ALCAM: variants seen among roughly 807,000 people sequenced by gnomAD.
The protein encoded by ALCAM is activated leukocyte cell adhesion molecule.
A neutral mutation model predicts 70.9 loss-of-function variants in ALCAM; 30 were observed. The ratio of observed to expected loss-of-function variants is 0.42; its 90% CI spans 0.32 to 0.57. ALCAM has a LOEUF of 0.57. ALCAM is among the 20% of genes least tolerant of loss of function. ALCAM has a pLI of 0.11. For synonymous variants in ALCAM, 249 were observed against 242.5 expected, an observed-to-expected ratio of 1.03 and a Z score of -0.25; for missense variants, 591 against 695.1, an observed-to-expected ratio of 0.85 and a Z score of 1.68.
At chr3:105,501,761 G>C (rs1205200639) in intron 1 of ALCAM, among the ~76,000 whole-genome samples, 1 of 152,148 alleles carries the variant, frequency 6.6e-6, no homozygotes, top group Non-Finnish European at 1.5e-5. Flanking sequence ...CCTGCATGCA[G>C]CATGGCTTCT....
rs1940653234 is a variant in ALCAM at position 105,562,794 on chromosome 3, A to T, written c.1665-9058A>T. ...GCTTCAAAACAAAATGTAAATTTTT[A>T]AATTAATTAATTCATTTTTTTTCTG... On this transcript the variant is annotated intron_variant, in intron 14 of 15. Coordinates refer to ENST00000306107, the MANE Select transcript of ALCAM (RefSeq NM_001627.4). Among the ~76,000 whole-genome samples the T allele has an allele frequency of 2.6e-5, 4 of 152,242 alleles. No individual in the cohort carries two copies. In the South Asian group the frequency reaches 8.3e-4, roughly 32 times the overall value.
chr3:105,422,149 A>G (rs1322209491), intron 1 of ALCAM, among the ~76,000 whole-genome samples: 1 of 151,300 alleles, frequency 6.6e-6, no homozygotes, highest in East Asian at 1.9e-4. Context: ...GCTTCTTCCA[A>G]GTTGCTAGTA....
chr3:105,434,674 C>T (rs1159872268), intron 1 of ALCAM, among the ~76,000 whole-genome samples: 6 of 151,998 alleles, frequency 3.9e-5, no homozygotes, highest in Non-Finnish European at 7.4e-5. Flanking sequence ...ACTAAAGTAA[C>T]ATTAGATAAA....
chr3:105,441,094 T>C (rs1328409912), intron 1 of ALCAM, among the ~76,000 whole-genome samples: 2 of 152,198 alleles, frequency 1.3e-5, no homozygotes, highest in Non-Finnish European at 2.9e-5. Flanking sequence ...GTCTTGGTTC[T>C]ACCCATCAAT....
At chr3:105,392,339 A>T (rs1935843945) in intron 1 of ALCAM, among the ~76,000 whole-genome samples, 1 of 150,426 alleles carries the variant, frequency 6.6e-6, no homozygotes, top group South Asian at 2.1e-4. Context: ...TTTCTTCTAG[A>T]TTTTCTAGTT....
chr3:105,520,530 G>A (rs927592498), intron 2 of ALCAM, among the ~76,000 whole-genome samples: 6 of 152,152 alleles, frequency 3.9e-5, no homozygotes, highest in African/African-American at 1.2e-4. Flanking sequence ...ACTTGATGTG[G>A]TTATTGCAAA....
At chr3:105,394,696 A>G (rs1288202585) in intron 1 of ALCAM, among the ~76,000 whole-genome samples, 1 of 151,712 alleles carries the variant, frequency 6.6e-6, no homozygotes, top group Non-Finnish European at 1.5e-5. Flanking sequence ...GTACTACACA[A>G]CTCCAATTTT....
intron 1 of ALCAM, among the ~76,000 whole-genome samples, chr3:105,378,305 G>A (rs2107328546): frequency 6.6e-6 from 1 of 152,066 alleles, no homozygotes; most frequent in African/African-American, 2.4e-5. Context: ...TGGAGGTAAT[G>A]TTTGTATGCA....
At chr3:105,426,940 G>A (rs1936804608) in intron 1 of ALCAM, among the ~76,000 whole-genome samples, 1 of 151,750 alleles carries the variant, frequency 6.6e-6, no homozygotes. Context: ...AGGCAGTCTT[G>A]TACTTTATAT....
intron 1 of ALCAM, among the ~76,000 whole-genome samples, chr3:105,368,968 A>G (rs1040085988): frequency 2.6e-5 from 4 of 151,974 alleles, no homozygotes; most frequent in African/African-American, 9.7e-5. Flanking sequence ...AACGCTGGGG[A>G]GGTAGGTGGA....
At chr3:105,423,506 A>AG (rs1936719375) in intron 1 of ALCAM, among the ~76,000 whole-genome samples, 1 of 150,782 alleles carries the variant, frequency 6.6e-6, no homozygotes, top group South Asian at 2.1e-4. Context: ...GGGAAAAAAA[A>AG]AAAAAAGAAA....
At chr3:105,484,266 G>C (rs1938358963) in intron 1 of ALCAM, among the ~76,000 whole-genome samples, 1 of 149,940 alleles carries the variant, frequency 6.7e-6, no homozygotes, top group Non-Finnish European at 1.5e-5. Flanking sequence ...AATTACTTTT[G>C]TTACATATAC....
At chr3:105,439,515 G>A (rs1245053878) in intron 1 of ALCAM, 2 of 152,088 alleles carry the variant, frequency 1.3e-5, no homozygotes, top group African/African-American at 4.8e-5. Flanking sequence ...CAGTTACTAG[G>A]CTACAGATAA....
Position 105,504,578 on chromosome 3 carries a change from C to CT in ALCAM, c.74-15488dup, listed in dbSNP as rs1184863243. ...GCGTCTGTTTCTGCAAGCCCACGGCCTGCCGGCCTGCTGGTGCCTGTCAAT... is the reference window on the plus strand; with the variant it reads ...GCGTCTGTTTCTGCAAGCCCACGGCCTTGCCGGCCTGCTGGTGCCTGTCAAT... On this transcript the variant is annotated intron_variant, in intron 1 of 15. Transcript: ENST00000306107. Among the ~76,000 whole-genome samples, 47 of 152,296 alleles carry CT rather than the reference C, an allele frequency of 3.1e-4. No homozygotes were observed. In the South Asian group the frequency reaches 9.7e-3, roughly 32 times the overall value.
intron 1 of ALCAM, among the ~76,000 whole-genome samples, chr3:105,396,743 G>C (rs1935960981): frequency 6.6e-6 from 1 of 151,996 alleles, no homozygotes; most frequent in Non-Finnish European, 1.5e-5. Flanking sequence ...TCTGCAAGTA[G>C]TATTTAGGAA....
intron 1 of ALCAM, among the ~76,000 whole-genome samples, chr3:105,498,663 G>C (rs1300889373): frequency 6.6e-6 from 1 of 152,132 alleles, no homozygotes; most frequent in Non-Finnish European, 1.5e-5. Context: ...TGTGCTTGGA[G>C]CTCCACTATC....
chr3:105,403,087 C>A (rs1936131529), intron 1 of ALCAM, among the ~76,000 whole-genome samples: 1 of 152,092 alleles, frequency 6.6e-6, no homozygotes, highest in East Asian at 1.9e-4. Flanking sequence ...GCTGGGATTG[C>A]AGATGCCCGC....
intron 1 of ALCAM, among the ~76,000 whole-genome samples, chr3:105,451,613 TAAAG>T (rs1358271759): frequency 2.0e-5 from 3 of 152,030 alleles, no homozygotes; most frequent in Non-Finnish European, 2.9e-5. Context: ...TTAAAAAAGA[TAAAG>T]AGAGTCAATA....
At chr3:105,418,038 A>T (rs1007042642) in intron 1 of ALCAM, among the ~76,000 whole-genome samples, 7 of 151,734 alleles carry the variant, frequency 4.6e-5, no homozygotes, top group Non-Finnish European at 1.0e-4. Context: ...GATTTGAGGG[A>T]TGTGATTATG....
Sources: gnomAD v4.1 joint callset for allele counts (sites outside exome capture counted in the v4.1 genomes callset) on GRCh38, gnomAD v4.1.1 for gene constraint, MANE v1.5 for transcripts, NCBI Gene and HGNC (gene_info 2026-07-23, HGNC 2026-07-21) for gene names.